Variants in TENM3 observed in about 807,000 individuals in gnomAD.
TENM3 encodes the protein teneurin-3.
TENM3 carries 63 observed loss-of-function variants against 255.1 expected under a neutral mutation model. The ratio of observed to expected loss-of-function variants is 0.25; its 90% CI spans 0.20 to 0.30. TENM3 has a LOEUF of 0.30. Among genes scored for constraint, TENM3 ranks in the 10% least tolerant of loss-of-function variants. TENM3 has a pLI of 1.00. For missense variants in TENM3, 2,929 were observed against 3,461.1 expected (o/e 0.85, Z 3.86); for synonymous variants, 1,306 against 1,322.3 (o/e 0.99, Z 0.27).
At chr4:182,322,989 CG>C (rs1394089085) in intron 1 of TENM3, among the ~76,000 whole-genome samples, 4 of 151,992 alleles carry the variant, frequency 2.6e-5, no homozygotes, top group African/African-American at 9.7e-5. Context: ...ATAAAGCCTT[CG>C]GGGTCCTTCA....
intron 4 of TENM3, among the ~76,000 whole-genome samples, chr4:182,628,277 G>C (rs1455871664): frequency 6.6e-6 from 1 of 152,118 alleles, no homozygotes; most frequent in Non-Finnish European, 1.5e-5. Flanking sequence ...TTTGCTAACT[G>C]TGAAAATGCT....
the TENM3 span, among the ~76,000 whole-genome samples, chr4:181,779,793 G>C: frequency 1.3e-5 from 2 of 151,694 alleles, no homozygotes; most frequent in African/African-American, 4.8e-5. Flanking sequence ...CCCACTCCCC[G>C]CACCCCACGA....
At chr4:181,616,064 G>A in the TENM3 span, among the ~76,000 whole-genome samples, 1 of 151,854 alleles carries the variant, frequency 6.6e-6, no homozygotes, top group Non-Finnish European at 1.5e-5. Flanking sequence ...CCACACTTTG[G>A]CAATTAAATG....
intron 1 of TENM3, among the ~76,000 whole-genome samples, chr4:182,204,260 C>T (rs1462582128): frequency 2.0e-5 from 3 of 152,042 alleles, no homozygotes; most frequent in Admixed American, 6.5e-5. Flanking sequence ...GCTTATAATG[C>T]TGACTGAAGC....
chr4:181,674,030 C>T, the TENM3 span, among the ~76,000 whole-genome samples: 1 of 152,156 alleles, frequency 6.6e-6, no homozygotes. Flanking sequence ...GGGTCTGGCT[C>T]TGTAGCCCTA....
At chr4:181,618,509 A>C in the TENM3 span, among the ~76,000 whole-genome samples, 4 of 152,184 alleles carry the variant, frequency 2.6e-5, 1 homozygote, top group South Asian at 8.3e-4. Flanking sequence ...GTGGGAGTCT[A>C]TTTTTGGCCA....
At chr4:182,477,290 T>G (rs867963128) in intron 3 of TENM3, among the ~76,000 whole-genome samples, 21 of 152,186 alleles carry the variant, frequency 1.4e-4, no homozygotes, top group African/African-American at 4.8e-4. Flanking sequence ...ATGAGCATCC[T>G]GGGTGACTGT....
chr4:182,012,593 C>T, the TENM3 span: 1 of 152,186 alleles, frequency 6.6e-6, no homozygotes, highest in African/African-American at 2.4e-5. Context: ...TTTTATGGAC[C>T]ATACCCTGCA....
intron 4 of TENM3, among the ~76,000 whole-genome samples, chr4:182,624,166 T>A (rs899154735): frequency 3.9e-5 from 6 of 152,180 alleles, no homozygotes; most frequent in African/African-American, 1.4e-4. Context: ...ATTCTTCTCT[T>A]TCTCTCTTCC....
the TENM3 span, among the ~76,000 whole-genome samples, chr4:181,635,458 A>G: frequency 6.6e-6 from 1 of 152,236 alleles, no homozygotes; most frequent in Non-Finnish European, 1.5e-5. Flanking sequence ...TGACATGGAA[A>G]AAGGGATTCG....
At chr4:181,512,003 G>A in the TENM3 span, among the ~76,000 whole-genome samples, 32 of 152,176 alleles carry the variant, frequency 2.1e-4, no homozygotes, top group Middle Eastern at 6.8e-3. Context: ...CTCTCCATCA[G>A]CCTCAGGATG....
At chr4:182,508,295 C>T (rs1737042834) in intron 3 of TENM3, among the ~76,000 whole-genome samples, 1 of 152,072 alleles carries the variant, frequency 6.6e-6, no homozygotes, top group Admixed American at 6.6e-5. Context: ...AGGGCAAGGT[C>T]TGTGAACCTT....
chr4:182,679,221 AAG>A (rs1265299914), intron 7 of TENM3, among the ~76,000 whole-genome samples: 1 of 152,160 alleles, frequency 6.6e-6, no homozygotes, highest in Non-Finnish European at 1.5e-5. Flanking sequence ...AAAAAAAAGA[AAG>A]AGTAGAATGA....
the TENM3 span, among the ~76,000 whole-genome samples, chr4:182,052,845 A>G: frequency 0.82 from 124,408 of 152,024 alleles, 51,795 homozygotes; most frequent in East Asian, 0.91. Context: ...TATACGTGGG[A>G]ATCAAACTCT....
the TENM3 span, among the ~76,000 whole-genome samples, chr4:182,084,673 G>C: frequency 2.3e-3 from 355 of 152,238 alleles, no homozygotes; most frequent in African/African-American, 8.2e-3. Flanking sequence ...AGTATAAGTA[G>C]ATGCTGACTA....
At chr4:182,213,255 T>C (rs1755176416) in intron 1 of TENM3, among the ~76,000 whole-genome samples, 1 of 152,208 alleles carries the variant, frequency 6.6e-6, no homozygotes, top group Non-Finnish European at 1.5e-5. Flanking sequence ...TCAAATATCA[T>C]GTAACCTATG....
intron 3 of TENM3, among the ~76,000 whole-genome samples, chr4:182,401,958 C>G (rs1238145088): frequency 1.3e-5 from 2 of 152,154 alleles, no homozygotes; most frequent in Non-Finnish European, 2.9e-5. Flanking sequence ...AGCTTTTGAC[C>G]AGCCTACTTC....
the TENM3 span, among the ~76,000 whole-genome samples, chr4:181,640,218 A>G: frequency 6.6e-6 from 1 of 152,164 alleles, no homozygotes; most frequent in Non-Finnish European, 1.5e-5. Flanking sequence ...AGACCTACTG[A>G]GCCTGAGACT....
chr4:182,771,377 G>T (rs1304953316), intron 22 of TENM3, among the ~76,000 whole-genome samples: 1 of 152,108 alleles, frequency 6.6e-6, no homozygotes, highest in African/African-American at 2.4e-5. Flanking sequence ...TGATCTACAG[G>T]AGGGCTAGTG....
Sources: allele counts gnomAD v4.1 joint callset (sites outside exome capture counted in the v4.1 genomes callset), GRCh38; gene constraint gnomAD v4.1.1; transcripts MANE v1.5; gene names NCBI Gene and HGNC (gene_info 2026-07-23, HGNC 2026-07-21).